Variants in OTOP3 observed in about 807,000 individuals in gnomAD.
OTOP3 encodes otopetrin 3.
A neutral mutation model predicts 50.8 loss-of-function variants in OTOP3; 41 were observed. The observed-to-expected ratio is 0.81, with a 90% CI of 0.63 to 1.05. The LOEUF (loss-of-function observed/expected upper bound fraction) is 1.05. OTOP3 is among the 50% of genes least tolerant of loss of function. The pLI is 0.00. For synonymous variants in OTOP3, 320 were observed against 324.4 expected (o/e 0.99, Z 0.14); for missense variants, 788 against 760.8 (o/e 1.04, Z -0.42).
At chr17:74,938,429 A>G (rs2039139714) in intron 1 of OTOP3, among the ~76,000 whole-genome samples, 1 of 152,116 alleles carries the variant, frequency 6.6e-6, no homozygotes, top group African/African-American at 2.4e-5. Context: ...CTGACGAGGG[A>G]AGGCCGCAGA....
rs757842153 is a variant in OTOP3, at chr17:74,941,707, G to T, written c.334G>T (p.Val112Phe). 17 of 1,613,856 alleles carry T rather than the reference G, an allele frequency of 1.1e-5. No homozygotes were observed. In the South Asian group the frequency reaches 1.1e-4, roughly 10 times the overall value. ...DVWILLATLK[V>F]LSLLWLLYYV... is the part of the protein sequence containing the mutation. ...GTGGATCCTGCTGGCCACGCTGAAG[G>T]TCCTCTCCCTGCTTTGGCTTCTCTA... The change falls in exon 2 of 7, where the codon GTC becomes TTC. Residue 112 changes from valine (V) to phenylalanine (F), a missense_variant. Transcript: ENST00000328801.
At chr17:74,936,956 CCA>C (rs371791318) in intron 1 of OTOP3, among the ~76,000 whole-genome samples, 33,124 of 102,002 alleles carry the variant, frequency 0.32, 5,020 homozygotes, top group South Asian at 0.43. Flanking sequence ...CATCACCCCC[CCA>C]CCCTTTTTTT....
chr17:74,938,320 A>C (rs979048221), intron 1 of OTOP3, among the ~76,000 whole-genome samples: 2 of 152,002 alleles, frequency 1.3e-5, no homozygotes, highest in Admixed American at 6.6e-5. Context: ...GGCACGTCTG[A>C]AGCTCCTGAA....
chr17:74,943,567 C>T (rs1445449119), intron 4 of OTOP3, 39 bp from the exon 5 acceptor site: 10 of 1,596,194 alleles, frequency 6.3e-6, no homozygotes, highest in Non-Finnish European at 6.0e-6. Flanking sequence ...CCTGGGGAGC[C>T]GGCCAGGGTG....
chr17:74,947,500 G>C (rs762384886), intron 6 of OTOP3, 25 bp downstream of exon 6: 3 of 1,548,312 alleles, frequency 1.9e-6, no homozygotes, highest in Non-Finnish European at 2.6e-6. Flanking sequence ...TAAGGGGCCT[G>C]GAGGGTAGAG....
At position 74,949,645 on chromosome 17, in the gene OTOP3, C is replaced by G; in HGVS notation, c.*229C>G. ...CCCACGGCCAGGCCTGGGCACATGC[C>G]TGCCCCCTGCCTTCCCACCACGATC... On this transcript the variant is annotated 3_prime_UTR_variant, in exon 7 of 7. Coordinates refer to ENST00000328801, the MANE Select transcript of OTOP3 (RefSeq NM_001272005.2). 1 of 532,584 alleles carries G rather than the reference C, an allele frequency of 1.9e-6. No homozygotes were observed. Among genetic ancestry groups the G allele is most frequent in the South Asian group, 2.8e-5 (1 of 35,352 alleles). 33.0% of individuals were successfully genotyped at this position (532,584 alleles called of 1,614,324 possible).
At chr17:74,947,633 A>C (rs987029208) in intron 6 of OTOP3, among the ~76,000 whole-genome samples, 158 bp downstream of exon 6, 1 of 152,234 alleles carries the variant, frequency 6.6e-6, no homozygotes, top group African/African-American at 2.4e-5. Context: ...CCTGGCACAA[A>C]TGAATGTGCC....
At chr17:74,941,357 C>T (rs1024667204) in intron 1 of OTOP3, 36 bp from the exon 2 acceptor site, 2 of 1,452,630 alleles carry the variant, frequency 1.4e-6, no homozygotes, top group African/African-American at 1.4e-5. Flanking sequence ...CCAGGACAGC[C>T]TGGCAGTTAA....
intron 1 of OTOP3, 112 bp from the exon 2 acceptor site, chr17:74,941,275 AACCACC>A: frequency 4.7e-6 from 4 of 850,082 alleles, no homozygotes; most frequent in Non-Finnish European, 2.9e-6. Context: ...CCAATGTCCC[AACCACC>A]CAACCAGAGA....
chr17:74,936,575 C>T (rs928274610), intron 1 of OTOP3, among the ~76,000 whole-genome samples: 15 of 152,330 alleles, frequency 9.8e-5, no homozygotes, highest in African/African-American at 3.6e-4. Flanking sequence ...TAAATGCCCA[C>T]TCCTGCCCCC....
At position 74,941,692 on chromosome 17, in the gene OTOP3, C is replaced by T; in HGVS notation, c.319C>T (p.Leu107=). The change falls in exon 2 of 7, where the codon CTG becomes TTG. Residue 107 remains leucine (L), a synonymous_variant. Transcript: ENST00000328801. ...CACTCTGGGTGACGTGTGGATCCTG[C>T]TGGCCACGCTGAAGGTCCTCTCCCT... ...AVTLGDVWIL[L]ATLKVLSLLW... 6.2e-7 allele frequency: 1 copy of T among 1,614,064 alleles called. No homozygotes were observed. The highest frequency in any genetic ancestry group is 8.5e-7 in the Non-Finnish European group (1 of 1,180,004).
chr17:74,938,035 G>A (rs1247604688), intron 1 of OTOP3, among the ~76,000 whole-genome samples: 3 of 152,186 alleles, frequency 2.0e-5, no homozygotes, highest in African/African-American at 7.2e-5. Flanking sequence ...GGTGTGGGAG[G>A]CAGGTGCCTT....
chr17:74,948,972 C>T (rs569184292), intron 6 of OTOP3, among the ~76,000 whole-genome samples: 63 of 152,344 alleles, frequency 4.1e-4, no homozygotes, highest in African/African-American at 1.3e-3. Context: ...CCACACGTGG[C>T]GGCAGCCTGG....
Position 74,941,489 on chromosome 17 carries a change from G to C in OTOP3, c.116G>C (p.Arg39Thr), listed in dbSNP as rs1483958654. 2.5e-6 allele frequency: 4 copies of C among 1,612,554 alleles called. No homozygotes were observed. The highest frequency in any genetic ancestry group is 1.7e-5 in the Admixed American group (1 of 59,864). ...CGAGTGGATGTGGGGGCCGAGGAGA[G>C]AGCGGCCGCCACCCGGCCCCGGCAG... The part of the protein sequence containing the change: ...ENRVDVGAEE[R>T]AAATRPRQKS... The change falls in exon 2 of 7, where the codon AGA becomes ACA. Residue 39 changes from arginine to threonine, a missense_variant. Transcript: ENST00000328801.
intron 4 of OTOP3, 110 bp downstream of exon 4, chr17:74,943,454 C>T: frequency 7.2e-7 from 1 of 1,392,710 alleles, no homozygotes; most frequent in Non-Finnish European, 1.0e-6. Flanking sequence ...TCCTAGGTGG[C>T]CCCAGGGCTG....
Position 74,941,650 on chromosome 17 carries a change from T to G in OTOP3, c.277T>G (p.Phe93Val). Residue 93 changes from phenylalanine to valine, a missense_variant, in exon 2 of 7, where the codon TTC becomes GTC. Transcript: ENST00000328801. ...LGGAFICSMI[F>V]NKVAVTLGDV... Reference sequence around the variant, plus strand: ...TGGCGCCTTCATCTGCAGCATGATCTTCAACAAGGTGGCCGTCACTCTGGG... The same window carrying G: ...TGGCGCCTTCATCTGCAGCATGATCGTCAACAAGGTGGCCGTCACTCTGGG... 6.2e-7 allele frequency: 1 copy of G among 1,614,104 alleles called. No homozygotes were observed. The highest frequency in any genetic ancestry group is 2.2e-5 in the East Asian group (1 of 44,884).
chr17:74,944,817 A>G (rs1196241763), intron 5 of OTOP3, among the ~76,000 whole-genome samples: 2 of 152,212 alleles, frequency 1.3e-5, no homozygotes, highest in African/African-American at 2.4e-5. Context: ...CATACCCATC[A>G]TCTAGGCATA....
At chr17:74,949,151 T>C in intron 6 of OTOP3, 95 bp from the exon 7 acceptor site, 1 of 1,329,210 alleles carries the variant, frequency 7.5e-7, no homozygotes, top group Non-Finnish European at 1.1e-6. Context: ...GGGGTGGCAC[T>C]GGAGGGGCTG....
rs1402168545 is a variant in OTOP3 at position 74,943,682 on chromosome 17, G to C, written c.709G>C (p.Glu237Gln). The C allele has an allele frequency of 1.2e-6, 2 of 1,611,878 alleles. No individual in the cohort carries two copies. The highest frequency in any genetic ancestry group is 1.7e-5 in the Admixed American group (1 of 59,950). Residue 237 changes from glutamate to glutamine, a missense_variant, in exon 5 of 7, where the codon GAG becomes CAG. Glu to Gln is a conservative substitution (Grantham distance 29). Coordinates refer to ENST00000328801, the MANE Select transcript of OTOP3 (RefSeq NM_001272005.2). Reference protein sequence around the residue: ...LAVTNDSMHREIEAELGILME... With the variant: ...LAVTNDSMHRQIEAELGILME... Reference sequence around the variant, plus strand: ...CGTTACCAATGACTCCATGCACCGAGAGATCGAAGCTGAGCTTGGCATCCT... The same window carrying C: ...CGTTACCAATGACTCCATGCACCGACAGATCGAAGCTGAGCTTGGCATCCT...
Sources: allele counts gnomAD v4.1 joint callset (sites outside exome capture counted in the v4.1 genomes callset), GRCh38; gene constraint gnomAD v4.1.1; transcripts MANE v1.5; gene names NCBI Gene and HGNC (gene_info 2026-07-23, HGNC 2026-07-21).